Variants in SOX5 observed in about 807,000 individuals in gnomAD.
SOX5 encodes the protein SRY-box transcription factor 5.
In SOX5, 9 loss-of-function variants were observed where a neutral mutation model predicts 92.0. That is an observed-to-expected ratio of 0.10 (90% CI 0.06 to 0.17). The LOEUF (loss-of-function observed/expected upper bound fraction) is 0.17. Among genes scored for constraint, SOX5 ranks in the 10% least tolerant of loss-of-function variants. SOX5 has a pLI of 1.00. For synonymous variants in SOX5, 344 were observed against 336.3 expected, an observed-to-expected ratio of 1.02 and a Z score of -0.25; for missense variants, 642 against 944.5, an observed-to-expected ratio of 0.68 and a Z score of 4.20.
intron 2 of SOX5, among the ~76,000 whole-genome samples, chr12:24,334,106 AAAC>A (rs139672942): frequency 0.13 from 20,168 of 151,686 alleles, 1,693 homozygotes; most frequent in Non-Finnish European, 0.19. Context: ...ATACCAAATT[AAAC>A]AACAAGAAAA....
At chr12:24,197,612 T>C (rs1372432809) in intron 4 of SOX5, among the ~76,000 whole-genome samples, 1 of 152,154 alleles carries the variant, frequency 6.6e-6, no homozygotes, top group Non-Finnish European at 1.5e-5. Context: ...GGGACAGCCC[T>C]GACTGTCTTG....
Position 24,037,920 on chromosome 12 carries a change from A to C in SOX5, c.-1-141896T>G, listed in dbSNP as rs189815812. On this transcript the variant is annotated intron_variant, in intron 4 of 4. Transcript: ENST00000446891. ...TTTTTTACACAGAACACTGATGAAGATAGTAACCGAAACTTGACACTTGAA... is the reference window on the plus strand; with the variant it reads ...TTTTTTACACAGAACACTGATGAAGCTAGTAACCGAAACTTGACACTTGAA... 5.1e-3 allele frequency among the ~76,000 whole-genome samples: 772 copies of C among 152,236 alleles called. 4 individuals carry two copies. The highest frequency in any genetic ancestry group is 0.02 in the Middle Eastern group (6 of 294).
chr12:24,006,766 A>G (rs1952220137), intron 4 of SOX5, among the ~76,000 whole-genome samples: 1 of 152,058 alleles, frequency 6.6e-6, no homozygotes, highest in African/African-American at 2.4e-5. Context: ...GTTTTAAAAA[A>G]AAATCAGACA....
intron 2 of SOX5, among the ~76,000 whole-genome samples, chr12:23,869,019 A>G (rs1467032476): frequency 6.6e-6 from 1 of 152,128 alleles, no homozygotes; most frequent in East Asian, 1.9e-4. Context: ...GGTCAGGCCC[A>G]TTCTTATAGG....
At chr12:24,508,697 GC>G (rs951717042) in intron 1 of SOX5, among the ~76,000 whole-genome samples, 3 of 152,142 alleles carry the variant, frequency 2.0e-5, no homozygotes, top group African/African-American at 4.8e-5. Flanking sequence ...CTGGCACCTA[GC>G]ATGGTGTGGG....
intron 3 of SOX5, among the ~76,000 whole-genome samples, chr12:23,767,620 T>C (rs1266297382): frequency 1.3e-5 from 2 of 152,266 alleles, no homozygotes; most frequent in East Asian, 3.9e-4. Context: ...ACATTTTGAA[T>C]GGTTATTCTT....
At chr12:23,628,839 T>C (rs1219039268) in intron 8 of SOX5, among the ~76,000 whole-genome samples, 2 of 151,764 alleles carry the variant, frequency 1.3e-5, no homozygotes, top group African/African-American at 2.4e-5. Flanking sequence ...AGGAATCAAA[T>C]AGGGCTCTAT....
chr12:24,489,497 T>G (rs536564845), intron 1 of SOX5, among the ~76,000 whole-genome samples: 1 of 152,212 alleles, frequency 6.6e-6, no homozygotes, highest in East Asian at 1.9e-4. Context: ...AGAGAGAGCA[T>G]GCCTTCTTCA....
intron 4 of SOX5, among the ~76,000 whole-genome samples, chr12:23,999,270 C>A (rs1207074052): frequency 3.3e-5 from 5 of 151,398 alleles, no homozygotes; most frequent in Non-Finnish European, 7.4e-5. Context: ...TGCTTAGAAG[C>A]AGGGAGTAAA....
Position 23,604,378 on chromosome 12 carries a change from A to C in SOX5, c.1164+9T>G. On this transcript the variant is annotated intron_variant, in intron 9 of 14. Transcript: ENST00000451604. The stretch of plus-strand genomic sequence containing the variant: ...AAGTGGCAAGACAGTGGCTTCTTCA[A>C]AAGGGTACCTTGCTTTTGGGTGGTG... 6.2e-7 allele frequency: 1 copy of C among 1,613,446 alleles called. No homozygotes were observed. The highest frequency in any genetic ancestry group is 2.2e-5 in the East Asian group (1 of 44,852).
rs562877052 is a variant in SOX5, at chr12:24,005,885, T to A, written c.-1-109861A>T. Reference sequence around the variant, plus strand: ...TAGCTATACCATATATTTTCCGGGCTAGGAAATATTTACTGTATATTTATT... The same window carrying A: ...TAGCTATACCATATATTTTCCGGGCAAGGAAATATTTACTGTATATTTATT... On this transcript the variant is annotated intron_variant, in intron 4 of 4. Transcript: ENST00000446891. 5.2e-4 allele frequency among the ~76,000 whole-genome samples: 79 copies of A among 152,336 alleles called. No homozygotes were observed. The South Asian group carries it at 0.016, about 31-fold the overall frequency.
chr12:23,980,413 A>G (rs1459379073), intron 4 of SOX5, among the ~76,000 whole-genome samples: 1 of 152,044 alleles, frequency 6.6e-6, no homozygotes, highest in Non-Finnish European at 1.5e-5. Context: ...TCCTTCATAT[A>G]TATATAATTT....
chr12:23,704,522 A>G lies in SOX5; in HGVS notation c.810+30162T>C, dbSNP rs1295268897. ...ACTACCTTGTATGACTCTACAAACA[A>G]TAAGGTGAGGGTGACGTATAACGAC... On this transcript the variant is annotated intron_variant, in intron 6 of 14. Coordinates refer to ENST00000451604, the MANE Select transcript of SOX5 (RefSeq NM_006940.6). 2.6e-5 allele frequency among the ~76,000 whole-genome samples: 4 copies of G among 151,400 alleles called. No homozygotes were observed. In the Admixed American group the frequency reaches 2.6e-4, roughly 10 times the overall value.
chr12:24,180,568 G>A (rs1283753924), intron 4 of SOX5, among the ~76,000 whole-genome samples: 1 of 151,986 alleles, frequency 6.6e-6, no homozygotes, highest in Non-Finnish European at 1.5e-5. Context: ...ACAGCAATGG[G>A]GTATGCAGTG....
At chr12:23,941,620 A>T (rs1943660806) in intron 1 of SOX5, among the ~76,000 whole-genome samples, 2 of 151,498 alleles carry the variant, frequency 1.3e-5, no homozygotes, top group Admixed American at 1.3e-4. Flanking sequence ...GACTATTGGT[A>T]CTTTGTATAT....
chr12:24,370,409 G>A lies in SOX5; in HGVS notation c.-250-1770C>T, dbSNP rs556710627. 8.1e-5 allele frequency among the ~76,000 whole-genome samples: 12 copies of A among 148,578 alleles called. 1 individual carries two copies. Among genetic ancestry groups the A allele is most frequent in the East Asian group, 6.0e-4 (3 of 4,996 alleles). On this transcript the variant is annotated intron_variant, in intron 1 of 4. Coordinates refer to the SOX5 transcript ENST00000446891. ...GGAGAATGGTGTGAACCCAGGGGGC[G>A]GAGCTTGCAGTGAGCTGAGACTGCG...
At chr12:24,099,478 T>C (rs1439646995) in intron 4 of SOX5, among the ~76,000 whole-genome samples, 2 of 152,142 alleles carry the variant, frequency 1.3e-5, no homozygotes, top group Admixed American at 1.3e-4. Flanking sequence ...AGCTACTTTG[T>C]TCTCCCTTTC....
intron 4 of SOX5, among the ~76,000 whole-genome samples, chr12:23,964,151 A>G (rs2140053718): frequency 6.6e-6 from 1 of 152,322 alleles, no homozygotes; most frequent in Admixed American, 6.5e-5. Flanking sequence ...AAATGGCTCC[A>G]GGAACCAATT....
intron 2 of SOX5, among the ~76,000 whole-genome samples, chr12:24,339,077 G>C (rs1456568050): frequency 6.6e-6 from 1 of 151,330 alleles, no homozygotes; most frequent in African/African-American, 2.4e-5. Flanking sequence ...TCCCTCTTTT[G>C]GAGCTTACAG....
Sources: gnomAD v4.1 joint callset for allele counts (sites outside exome capture counted in the v4.1 genomes callset) on GRCh38, gnomAD v4.1.1 for gene constraint, MANE v1.5 for transcripts, NCBI Gene and HGNC (gene_info 2026-07-23, HGNC 2026-07-21) for gene names.